Variants in EFHC2 observed in about 807,000 individuals in gnomAD.
EFHC2 encodes the protein EF-hand domain-containing family member C2.
In EFHC2, 18 loss-of-function variants were observed where a neutral mutation model predicts 52.7. The observed-to-expected ratio is 0.34, with a 90% CI of 0.24 to 0.51. EFHC2 has a LOEUF of 0.51. Among genes scored for constraint, EFHC2 ranks in the 20% least tolerant of loss-of-function variants. The pLI, the probability that EFHC2 is intolerant of heterozygous loss-of-function variation, is 0.97. For missense variants in EFHC2, 513 were observed against 562.5 expected (o/e 0.91, Z 0.89); for synonymous variants, 203 against 204.1 (o/e 0.99, Z 0.04).
intron 11 of EFHC2, among the ~76,000 whole-genome samples, chrX:44,205,457 G>T (rs1175823966): frequency 9.2e-6 from 1 of 109,191 alleles, no homozygotes; most frequent in Non-Finnish European, 1.9e-5. Flanking sequence ...CTGTTTTCAA[G>T]AGGCCCATTT....
Position 44,242,506 on chromosome X carries a change from TA to T in EFHC2, c.1112-218del, listed in dbSNP as rs199945466. 6.6e-3 allele frequency among the ~76,000 whole-genome samples: 638 copies of T among 97,317 alleles called. 1 individual carries two copies. Among genetic ancestry groups the T allele is most frequent in the African/African-American group, 8.5e-3 (228 of 26,946 alleles). The allele number at this position is 97,317 out of a possible 115,157, so 84.5% of individuals were successfully genotyped here. On this transcript the variant is annotated intron_variant, in intron 7 of 14. Transcript: ENST00000420999. ...TAATAATCACCATTGGTTCAAAAGT[TA>T]AAAAAAAAAAAAAGAATCTATGTCA...
intron 1 of EFHC2, among the ~76,000 whole-genome samples, chrX:44,343,323 C>A (rs2038163874): frequency 8.9e-6 from 1 of 112,251 alleles, no homozygotes; most frequent in South Asian, 3.7e-4. Context: ...GAGGGTCCTG[C>A]CACCTATAAG....
intron 11 of EFHC2, among the ~76,000 whole-genome samples, chrX:44,182,255 G>A (rs754158419): frequency 6.2e-5 from 7 of 112,275 alleles, no homozygotes; most frequent in South Asian, 3.7e-4. Flanking sequence ...GGACTTCATC[G>A]TTTTTCACGG....
chrX:44,243,690 T>C (rs1401446184), intron 7 of EFHC2, among the ~76,000 whole-genome samples: 1 of 112,123 alleles, frequency 8.9e-6, no homozygotes, highest in Non-Finnish European at 1.9e-5. Context: ...AGAGACTGCT[T>C]ACAGCAGACA....
intron 2 of EFHC2, among the ~76,000 whole-genome samples, chrX:44,279,874 T>C (rs149975561): frequency 0.096 from 10,608 of 110,023 alleles, 462 homozygotes; most frequent in East Asian, 0.27. Context: ...CTATGCCTAA[T>C]AGACGTACCA....
Position 44,325,634 on chromosome X carries a change from A to C in EFHC2, c.43-12878T>G, listed in dbSNP as rs186954214. Among the ~76,000 whole-genome samples the C allele has an allele frequency of 2.9e-3, 322 of 109,168 alleles. 4 individuals are homozygous for C. Among genetic ancestry groups the C allele is most frequent in the African/African-American group, 0.01 (306 of 29,986 alleles). 94.8% of individuals were successfully genotyped at this position (109,168 alleles called of 115,157 possible). A position where few individuals can be genotyped will look rare whatever the true frequency, so the allele number is the denominator to read the frequency against. On this transcript the variant is annotated intron_variant, in intron 1 of 14. Transcript: ENST00000420999. ...CCAAACTGAGAAGCTGGCTATAGTC[A>C]TCTACATCAGGAGCTGTTGATCTGT...
chrX:44,192,061 AGTGTGTGTGTGTGTGT>A (rs3037410), intron 11 of EFHC2, among the ~76,000 whole-genome samples: 1 of 95,344 alleles, frequency 1.0e-5, no homozygotes, highest in African/African-American at 3.8e-5. Context: ...CACATATGTA[AGTGTGTGTGTGTGTGT>A]GTGTGTGTGT....
chrX:44,339,191 C>CAAAA lies in EFHC2; in HGVS notation c.42+4352_42+4355dup, dbSNP rs58180100. ...GGGTGACAGAGCGAGACTCCATCTCCAAAAAAAAAAAGCAGAAAGAGTGAG... is the reference window on the plus strand; with the variant it reads ...GGGTGACAGAGCGAGACTCCATCTCCAAAAAAAAAAAAAAAGCAGAAAGAGTGAG... On this transcript the variant is annotated intron_variant, in intron 1 of 14. Coordinates refer to ENST00000420999, the MANE Select transcript of EFHC2 (RefSeq NM_025184.4). 1.2e-4 allele frequency among the ~76,000 whole-genome samples: 11 copies of CAAAA among 90,342 alleles called. 2 individuals carry two copies. Among genetic ancestry groups the CAAAA allele is most frequent in the Admixed American group, 1.2e-4 (1 of 8,124 alleles). 78.5% of individuals were successfully genotyped at this position (90,342 alleles called of 115,157 possible). A position where few individuals can be genotyped will look rare whatever the true frequency, so the allele number is the denominator to read the frequency against.
In EFHC2 at chrX:44,235,585, C is replaced by T. The variant is rs769254015; in HGVS notation, c.1281-138G>A. The T allele has an allele frequency of 4.6e-5, 26 of 569,723 alleles. No homozygotes were observed. In the Admixed American group the frequency reaches 1.1e-3, roughly 23 times the overall value. The allele number at this position is 569,723 out of a possible 1,213,427, so 47.0% of individuals were successfully genotyped here. On this transcript the variant is annotated intron_variant, in intron 8 of 14. Transcript: ENST00000420999. ...GTCCAAAGTGAAAGAGTTCAACCAT[C>T]GTCTAATTAAGGTTCTAAATCTAAA... is the stretch of plus-strand genomic sequence containing the variant.
At chrX:44,185,522 C>T (rs1434954579) in intron 11 of EFHC2, among the ~76,000 whole-genome samples, 1 of 109,923 alleles carries the variant, frequency 9.1e-6, no homozygotes, top group Non-Finnish European at 1.9e-5. Flanking sequence ...GGACACTGAA[C>T]CCTGAAATAA....
At chrX:44,286,861 TAAAAACAA>T (rs2037753077) in intron 2 of EFHC2, among the ~76,000 whole-genome samples, 1 of 97,964 alleles carries the variant, frequency 1.0e-5, no homozygotes, top group South Asian at 4.7e-4. Context: ...AAAAAAAAAA[TAAAAACAA>T]CAAAACAACA....
chrX:44,215,436 AT>A (rs1349796383), intron 11 of EFHC2, among the ~76,000 whole-genome samples: 1 of 109,073 alleles, frequency 9.2e-6, no homozygotes, highest in Non-Finnish European at 1.9e-5. Flanking sequence ...AAACAAAAAA[AT>A]GATAGTTTCT....
intron 11 of EFHC2, among the ~76,000 whole-genome samples, chrX:44,224,449 G>A (rs66780868): frequency 0.15 from 16,330 of 111,710 alleles, 1,021 homozygotes; most frequent in Admixed American, 0.31. Flanking sequence ...GTAAACAAGA[G>A]AGCCAAGAGC....
chrX:44,280,712 G>C (rs1473974028), intron 2 of EFHC2, among the ~76,000 whole-genome samples: 3 of 111,437 alleles, frequency 2.7e-5, no homozygotes, highest in African/African-American at 9.8e-5. Context: ...ATACAATGGG[G>C]GGAAAGTATG....
chrX:44,225,526 T>G lies in EFHC2; in HGVS notation c.1751+4123A>C, dbSNP rs370668293. On this transcript the variant is annotated intron_variant, in intron 11 of 14. Coordinates refer to ENST00000420999, the MANE Select transcript of EFHC2 (RefSeq NM_025184.4). ...GGGCCCCGAAGCCCCAGGTGTATGC[T>G]GAGAGTGCCAGGTATCTAAGCAGAA... Among the ~76,000 whole-genome samples, 13 of 111,879 alleles carry G rather than the reference T, an allele frequency of 1.2e-4. No homozygotes were observed. In the East Asian group the frequency reaches 3.7e-3, roughly 32 times the overall value.
rs1202621377 is a variant in EFHC2, at chrX:44,261,060, A to T, written c.606+15T>A. 1 of 1,188,521 alleles carries T rather than the reference A, an allele frequency of 8.4e-7. No homozygotes were observed. Among genetic ancestry groups the T allele is most frequent in the Admixed American group, 2.2e-5 (1 of 45,178 alleles). On this transcript the variant is annotated intron_variant, in intron 4 of 14. Transcript: ENST00000420999. ...TATTTTGAAGACAAGAACTCAACAAACGTCAATTCCTTACCTCTCTCCGAA... is the reference window on the plus strand; with the variant it reads ...TATTTTGAAGACAAGAACTCAACAATCGTCAATTCCTTACCTCTCTCCGAA...
chrX:44,342,132 A>G (rs1321073923), intron 1 of EFHC2, among the ~76,000 whole-genome samples: 1 of 112,691 alleles, frequency 8.9e-6, no homozygotes, highest in Non-Finnish European at 1.9e-5. Context: ...GGGCAATGCT[A>G]TGCTGGAAGG....
At position 44,248,134 on chromosome X, in the gene EFHC2, A is replaced by G. The variant is rs144923440; in HGVS notation, c.1111+138T>C. ...ATTGTTAGGAATATATAAGACAACA[A>G]ACGGCTGGAAGATAGCAAATGCACA... is the stretch of plus-strand genomic sequence containing the variant. On this transcript the variant is annotated intron_variant, in intron 7 of 14. Coordinates refer to ENST00000420999, the MANE Select transcript of EFHC2 (RefSeq NM_025184.4). The G allele has an allele frequency of 6.9e-5, 36 of 524,705 alleles. No individual in the cohort carries two copies. In the East Asian group the frequency reaches 1.1e-3, roughly 16 times the overall value. 43.2% of individuals were successfully genotyped at this position (524,705 alleles called of 1,213,427 possible).
At chrX:44,340,933 C>T (rs1440258449) in intron 1 of EFHC2, among the ~76,000 whole-genome samples, 1 of 111,868 alleles carries the variant, frequency 8.9e-6, no homozygotes, top group Non-Finnish European at 1.9e-5. Context: ...TATGATCTAG[C>T]AATCCTACCA....
Sources: gnomAD v4.1 joint callset for allele counts (sites outside exome capture counted in the v4.1 genomes callset) on GRCh38, gnomAD v4.1.1 for gene constraint, MANE v1.5 for transcripts, NCBI Gene and HGNC (gene_info 2026-07-23, HGNC 2026-07-21) for gene names.